Variants in SMARCC1 observed in about 807,000 individuals in gnomAD.
SMARCC1 encodes SWI/SNF complex subunit SMARCC1.
Under a neutral mutation model 147.4 loss-of-function variants are expected in SMARCC1, and 43 were observed. The ratio of observed to expected loss-of-function variants is 0.29; its 90% CI spans 0.23 to 0.38. The LOEUF (loss-of-function observed/expected upper bound fraction) is 0.38, where lower values mean the gene tolerates loss of function less well. Among genes scored for constraint, SMARCC1 ranks in the 10% least tolerant of loss-of-function variants. The pLI is 1.00. For missense variants in SMARCC1, 1,119 were observed against 1,381.1 expected, an observed-to-expected ratio of 0.81 and a Z score of 3.01; for synonymous variants, 495 against 484.4, an observed-to-expected ratio of 1.02 and a Z score of -0.29.
chr3:47,637,422 G>A, intron 22 of SMARCC1, among the ~76,000 whole-genome samples: 1 of 151,958 alleles, frequency 6.6e-6, no homozygotes, highest in Middle Eastern at 3.2e-3. Flanking sequence ...GGAACACAAA[G>A]GCCCAGAGGC....
At chr3:47,619,919 C>G (rs1306557075) in intron 25 of SMARCC1, among the ~76,000 whole-genome samples, 1 of 152,142 alleles carries the variant, frequency 6.6e-6, no homozygotes, top group Non-Finnish European at 1.5e-5. Flanking sequence ...AGGAGTTCAA[C>G]AGAGGACTTG....
chr3:47,710,882 A>AAC, intron 8 of SMARCC1, 74 bp from the exon 9 acceptor site: 1 of 1,257,062 alleles, frequency 8.0e-7, no homozygotes, highest in Non-Finnish European at 1.1e-6. Flanking sequence ...TTGAGAAGGA[A>AAC]ACAAGCTGAT....
chr3:47,693,646 A>G (rs1259670194), intron 11 of SMARCC1, among the ~76,000 whole-genome samples: 1 of 152,158 alleles, frequency 6.6e-6, no homozygotes, highest in Non-Finnish European at 1.5e-5. Flanking sequence ...TTTAAAAAAA[A>G]TTAAGGAAGA....
chr3:47,760,279 T>TC (rs1195051661), intron 2 of SMARCC1, among the ~76,000 whole-genome samples: 1 of 152,164 alleles, frequency 6.6e-6, no homozygotes, highest in Non-Finnish European at 1.5e-5. Flanking sequence ...ACCACTGCAT[T>TC]CCAGCCTGGG....
chr3:47,616,354 A>G (rs1339429055), intron 25 of SMARCC1, among the ~76,000 whole-genome samples: 2 of 152,216 alleles, frequency 1.3e-5, no homozygotes, highest in Non-Finnish European at 2.9e-5. Context: ...TGTAACTTCC[A>G]TAACTGCCTT....
At chr3:47,758,287 A>G (rs1158278554) in intron 2 of SMARCC1, among the ~76,000 whole-genome samples, 1 of 151,812 alleles carries the variant, frequency 6.6e-6, no homozygotes, top group Non-Finnish European at 1.5e-5. Flanking sequence ...GCTGACGCTA[A>G]TATTTTAATA....
intron 2 of SMARCC1, among the ~76,000 whole-genome samples, chr3:47,768,740 T>C (rs879824796): frequency 6.6e-6 from 1 of 152,180 alleles, no homozygotes; most frequent in Non-Finnish European, 1.5e-5. Context: ...CATGGAACTT[T>C]CAAATTTTTC....
chr3:47,713,342 TA>T (rs2034114534), intron 8 of SMARCC1, among the ~76,000 whole-genome samples: 1 of 150,596 alleles, frequency 6.6e-6, no homozygotes. Context: ...AATAAATAAA[TA>T]AATAAATAAA....
chr3:47,702,554 G>A (rs1576416283), intron 10 of SMARCC1, among the ~76,000 whole-genome samples: 1 of 152,108 alleles, frequency 6.6e-6, no homozygotes, highest in Non-Finnish European at 1.5e-5. Flanking sequence ...CCAGGAGTTC[G>A]AGACCAGCCT....
intron 21 of SMARCC1, among the ~76,000 whole-genome samples, chr3:47,659,175 A>G (rs2033304431): frequency 6.6e-6 from 1 of 151,644 alleles, no homozygotes; most frequent in South Asian, 2.1e-4. Context: ...GAAAGTAAGA[A>G]AAGTCCAGGA....
intron 2 of SMARCC1, among the ~76,000 whole-genome samples, chr3:47,767,950 C>G (rs1382416550): frequency 6.6e-6 from 1 of 151,796 alleles, no homozygotes; most frequent in Non-Finnish European, 1.5e-5. Context: ...ATCCTCCCAC[C>G]TCAGCCTCCC....
intron 6 of SMARCC1, among the ~76,000 whole-genome samples, chr3:47,728,534 C>A (rs777002864): frequency 4.6e-5 from 7 of 151,880 alleles, no homozygotes; most frequent in Non-Finnish European, 1.0e-4. Context: ...ATGTTTGGAC[C>A]ACTGATTTCT....
chr3:47,764,180 T>C (rs2034808486), intron 2 of SMARCC1, among the ~76,000 whole-genome samples: 1 of 152,020 alleles, frequency 6.6e-6, no homozygotes, highest in Admixed American at 6.6e-5. Context: ...GGGACCACAA[T>C]CACACACCAC....
chr3:47,629,610 T>C (rs1039827316), intron 24 of SMARCC1, among the ~76,000 whole-genome samples: 1 of 152,182 alleles, frequency 6.6e-6, no homozygotes, highest in Non-Finnish European at 1.5e-5. Context: ...TTCTAAGCTT[T>C]GTAAAAAGTC....
At chr3:47,613,435 G>A (rs1342619383) in intron 25 of SMARCC1, among the ~76,000 whole-genome samples, 2 of 149,870 alleles carry the variant, frequency 1.3e-5, no homozygotes, top group African/African-American at 4.9e-5. Context: ...CCAGGCTAGA[G>A]TGCAGTGGTC....
At chr3:47,637,918 T>G (rs944392993) in intron 22 of SMARCC1, among the ~76,000 whole-genome samples, 2 of 152,142 alleles carry the variant, frequency 1.3e-5, no homozygotes, top group Non-Finnish European at 2.9e-5. Context: ...ATTTCAATCT[T>G]TATAGTTCTA....
intron 26 of SMARCC1, chr3:47,603,973 G>A (rs1312378173): frequency 1.1e-5 from 5 of 455,470 alleles, no homozygotes; most frequent in African/African-American, 2.0e-5. Flanking sequence ...AGCCAAGGAA[G>A]AGCAATAGAG....
chr3:47,608,928 T>G lies in SMARCC1; in HGVS notation c.3043+1138A>C, dbSNP rs1039211408. On this transcript the variant is annotated intron_variant, in intron 26 of 27. Transcript: ENST00000254480. ...GGTTTATAGGAAATGTGTGTTTGTG[T>G]GGGGGGGTTAGAAGGACATATGACA... 4.1e-5 allele frequency among the ~76,000 whole-genome samples: 6 copies of G among 146,222 alleles called. No homozygotes were observed. The East Asian group carries it at 1.0e-3, about 25-fold the overall frequency.
At chr3:47,672,953 AT>A (rs936432342) in intron 18 of SMARCC1, among the ~76,000 whole-genome samples, 121 of 144,610 alleles carry the variant, frequency 8.4e-4, no homozygotes, top group South Asian at 3.1e-3. Context: ...TAGTTTCAGT[AT>A]TTTTTTTTTT....
Sources: allele counts gnomAD v4.1 joint callset (sites outside exome capture counted in the v4.1 genomes callset), GRCh38; gene constraint gnomAD v4.1.1; transcripts MANE v1.5; gene names NCBI Gene and HGNC (gene_info 2026-07-23, HGNC 2026-07-21).